Variants in SLC9A9 observed in about 807,000 individuals in gnomAD.
The protein encoded by SLC9A9 is sodium/hydrogen exchanger 9.
Under a neutral mutation model 77.8 loss-of-function variants are expected in SLC9A9, and 62 were observed. The ratio of observed to expected loss-of-function variants is 0.80; its 90% CI spans 0.65 to 0.98. SLC9A9 has a LOEUF of 0.98. Among genes scored for constraint, SLC9A9 ranks in the 50% least tolerant of loss-of-function variants. The pLI, the probability that SLC9A9 is intolerant of heterozygous loss-of-function variation, is 0.00. For missense variants in SLC9A9, 775 were observed against 774.9 expected (o/e 1.00, Z 0.00); for synonymous variants, 320 against 283.5 (o/e 1.13, Z -1.29).
At chr3:143,805,492 C>A (rs932924480) in intron 2 of SLC9A9, among the ~76,000 whole-genome samples, 1 of 152,098 alleles carries the variant, frequency 6.6e-6, no homozygotes, top group Non-Finnish European at 1.5e-5. Context: ...GGCCTCTGAG[C>A]CCAAGCTAAG....
intron 13 of SLC9A9, 91 bp downstream of exon 13, chr3:143,381,969 C>T: frequency 3.4e-6 from 5 of 1,449,842 alleles, no homozygotes; most frequent in Non-Finnish European, 4.8e-6. Context: ...TTAGAAATAG[C>T]TCCTTGGTCA....
chr3:143,657,628 T>A (rs1306594833), intron 5 of SLC9A9, among the ~76,000 whole-genome samples: 1 of 152,214 alleles, frequency 6.6e-6, no homozygotes, highest in Non-Finnish European at 1.5e-5. Context: ...TGCAACAGAT[T>A]GAATGCAGAA....
intron 14 of SLC9A9, among the ~76,000 whole-genome samples, chr3:143,286,330 G>A (rs1938381194): frequency 6.6e-6 from 1 of 152,116 alleles, no homozygotes; most frequent in African/African-American, 2.4e-5. Flanking sequence ...TAAAGCCTTG[G>A]GCTGGTGCAC....
intron 2 of SLC9A9, among the ~76,000 whole-genome samples, chr3:143,797,752 C>T (rs2008428072): frequency 6.6e-6 from 1 of 152,246 alleles, no homozygotes; most frequent in African/African-American, 2.4e-5. Context: ...CCCGCCCCTG[C>T]CCACCAGAGA....
At chr3:143,340,519 G>A (rs983322325) in intron 14 of SLC9A9, among the ~76,000 whole-genome samples, 2 of 152,172 alleles carry the variant, frequency 1.3e-5, no homozygotes, top group African/African-American at 4.8e-5. Context: ...TGGAAAACAA[G>A]ATCATTCTCC....
At chr3:143,509,465 T>C (rs1054084482) in intron 9 of SLC9A9, among the ~76,000 whole-genome samples, 20 of 152,214 alleles carry the variant, frequency 1.3e-4, no homozygotes, top group Non-Finnish European at 2.4e-4. Flanking sequence ...AGCTCCCCTC[T>C]GTAAAGCCTC....
chr3:143,844,458 G>T lies in SLC9A9; in HGVS notation c.175+3690C>A, dbSNP rs917171623. Among the ~76,000 whole-genome samples the T allele has an allele frequency of 3.9e-5, 6 of 152,172 alleles. No homozygotes were observed. In the South Asian group the frequency reaches 8.3e-4, roughly 21 times the overall value. On this transcript the variant is annotated intron_variant, in intron 1 of 15. Coordinates refer to ENST00000316549, the MANE Select transcript of SLC9A9 (RefSeq NM_173653.4). Reference sequence around the variant, plus strand: ...AAGTATTATAGGAAATTTGATGCTGGGGAAAAACATTTATCATTCTTGATA... The same window carrying T: ...AAGTATTATAGGAAATTTGATGCTGTGGAAAAACATTTATCATTCTTGATA...
rs1576731169 is a variant in SLC9A9 at position 143,795,016 on chromosome 3, G to A, written c.518C>T (p.Ser173Phe). 3.7e-6 allele frequency: 6 copies of A among 1,613,970 alleles called. 1 individual carries two copies. The highest frequency in any genetic ancestry group is 8.5e-7 in the Non-Finnish European group (1 of 1,179,936). Residue 173 changes from serine (S) to phenylalanine (F), a missense_variant, in exon 4 of 16, where the codon TCC becomes TTC. Transcript: ENST00000316549. Reference protein sequence around the residue: ...LTYAFLGTAISCIVIGLIMYG... With the variant: ...LTYAFLGTAIFCIVIGLIMYG... ...TGTCACTTACCCTATGACGATGCAG[G>A]AGATGGCAGTTCCCAAGAAGGCATA... is the stretch of plus-strand genomic sequence containing the variant.
At chr3:143,679,438 G>T (rs1933009447) in intron 5 of SLC9A9, among the ~76,000 whole-genome samples, 1 of 152,160 alleles carries the variant, frequency 6.6e-6, no homozygotes, top group Non-Finnish European at 1.5e-5. Flanking sequence ...GCTAGGCAGG[G>T]TTTCTCAACC....
intron 4 of SLC9A9, among the ~76,000 whole-genome samples, chr3:143,789,326 ATAC>A (rs1252302995): frequency 4.6e-5 from 7 of 152,200 alleles, no homozygotes; most frequent in Non-Finnish European, 8.8e-5. Context: ...CTTGAAAAAC[ATAC>A]TAATTCTGTG....
intron 11 of SLC9A9, among the ~76,000 whole-genome samples, chr3:143,489,070 A>C (rs2035699176): frequency 6.6e-6 from 1 of 151,962 alleles, no homozygotes; most frequent in Non-Finnish European, 1.5e-5. Context: ...TGCAAAAATC[A>C]ATTGCATTTT....
chr3:143,833,024 T>C (rs2009476390), intron 1 of SLC9A9, among the ~76,000 whole-genome samples: 1 of 152,208 alleles, frequency 6.6e-6, no homozygotes, highest in Non-Finnish European at 1.5e-5. Flanking sequence ...GTGACAATCC[T>C]TGAATTTTTA....
At chr3:143,807,324 G>T (rs2008746433) in intron 2 of SLC9A9, among the ~76,000 whole-genome samples, 1 of 152,196 alleles carries the variant, frequency 6.6e-6, no homozygotes, top group Non-Finnish European at 1.5e-5. Flanking sequence ...TGAGTTGATT[G>T]TTGCAGTCCA....
intron 2 of SLC9A9, among the ~76,000 whole-genome samples, chr3:143,823,240 A>G (rs1220666869): frequency 6.6e-6 from 1 of 152,216 alleles, no homozygotes; most frequent in Non-Finnish European, 1.5e-5. Context: ...GACAAGTGAC[A>G]TTGAGAAGAC....
At chr3:143,575,356 C>T (rs1337475466) in intron 7 of SLC9A9, among the ~76,000 whole-genome samples, 1 of 152,182 alleles carries the variant, frequency 6.6e-6, no homozygotes, top group African/African-American at 2.4e-5. Flanking sequence ...CTCTTGACCA[C>T]TGTGTGCCTG....
intron 14 of SLC9A9, among the ~76,000 whole-genome samples, chr3:143,296,438 G>A (rs1479711176): frequency 6.6e-6 from 1 of 152,070 alleles, no homozygotes. Flanking sequence ...GTATGTATAT[G>A]CCTCATTTTC....
At chr3:143,745,776 G>T (rs1269693257) in intron 4 of SLC9A9, among the ~76,000 whole-genome samples, 1 of 152,166 alleles carries the variant, frequency 6.6e-6, no homozygotes, top group Non-Finnish European at 1.5e-5. Context: ...CTGCCTCAAA[G>T]AAATTGCATT....
chr3:143,815,546 TA>T (rs879891528), intron 2 of SLC9A9, among the ~76,000 whole-genome samples: 8 of 151,222 alleles, frequency 5.3e-5, no homozygotes, highest in African/African-American at 1.7e-4. Flanking sequence ...TTTGCTATTT[TA>T]AAAAAAAAAA....
At chr3:143,721,285 T>A (rs1934492579) in intron 4 of SLC9A9, among the ~76,000 whole-genome samples, 1 of 151,944 alleles carries the variant, frequency 6.6e-6, no homozygotes, top group African/African-American at 2.4e-5. Context: ...CCCTGACATC[T>A]CCTAACTGCA....
Sources: allele counts gnomAD v4.1 joint callset (sites outside exome capture counted in the v4.1 genomes callset), GRCh38; gene constraint gnomAD v4.1.1; transcripts MANE v1.5; gene names NCBI Gene and HGNC (gene_info 2026-07-23, HGNC 2026-07-21).